Variants in UNC79 observed in about 807,000 individuals in gnomAD.
UNC79 encodes the protein protein unc-79 homolog.
Under a neutral mutation model 283.1 loss-of-function variants are expected in UNC79, and 37 were observed. The ratio of observed to expected loss-of-function variants is 0.13; its 90% CI spans 0.10 to 0.17. The LOEUF is 0.17. Among genes scored for constraint, UNC79 ranks in the 10% least tolerant of loss-of-function variants. UNC79 has a pLI of 1.00. For missense variants in UNC79, 2,272 were observed against 3,211.1 expected (o/e 0.71, Z 7.07); for synonymous variants, 1,107 against 1,200.2 (o/e 0.92, Z 1.61).
At chr14:93,451,583 C>T (rs2056644316) in intron 1 of UNC79, among the ~76,000 whole-genome samples, 1 of 152,222 alleles carries the variant, frequency 6.6e-6, no homozygotes, top group South Asian at 2.1e-4. Flanking sequence ...CGGCAATGAA[C>T]TTCAGATATT....
chr14:93,571,581 C>A (rs1434197524), intron 14 of UNC79, among the ~76,000 whole-genome samples: 2 of 152,218 alleles, frequency 1.3e-5, no homozygotes, highest in Non-Finnish European at 2.9e-5. Flanking sequence ...TAATAGTATG[C>A]TCATCCTGTT....
At chr14:93,689,005 A>AC in intron 44 of UNC79, 165 bp downstream of exon 47, 1 of 695,780 alleles carries the variant, frequency 1.4e-6, no homozygotes, top group Non-Finnish European at 2.1e-6. Context: ...GTACTTGCTG[A>AC]CCCAGAATGC....
At position 93,474,442 on chromosome 14, in the gene UNC79, T is replaced by C; in HGVS notation, c.448+49T>C. On this transcript the variant is annotated intron_variant, in intron 3 of 48. Transcript: ENST00000555664. The surrounding 1 kb of genome is among the most constrained non-coding windows in gnomAD (Gnocchi z 4.1). ...GGAAATGTACGTGGATGCTTATGAA[T>C]GTATATGATGCTGAGCAAGGGGCTT... is the stretch of plus-strand genomic sequence containing the variant. 1 of 1,505,210 alleles carries C rather than the reference T, an allele frequency of 6.6e-7. No homozygotes were observed. Among genetic ancestry groups the C allele is most frequent in the South Asian group, 1.3e-5 (1 of 78,108 alleles). 93.2% of individuals were successfully genotyped at this position (1,505,210 alleles called of 1,614,324 possible).
intron 22 of UNC79, among the ~76,000 whole-genome samples, chr14:93,593,281 C>T (rs916443232): frequency 1.3e-5 from 2 of 152,180 alleles, no homozygotes; most frequent in African/African-American, 4.8e-5. Flanking sequence ...TCTTTGACAT[C>T]ATAAGAGGCT....
At chr14:93,358,254 G>C (rs1214529739) in intron 1 of UNC79, among the ~76,000 whole-genome samples, 1 of 152,092 alleles carries the variant, frequency 6.6e-6, no homozygotes, top group Non-Finnish European at 1.5e-5. Context: ...AAGGAGTTTA[G>C]TGACTCTATA....
intron 25 of UNC79, among the ~76,000 whole-genome samples, chr14:93,601,510 G>T (rs2065505748): frequency 6.6e-6 from 1 of 152,106 alleles, no homozygotes; most frequent in East Asian, 1.9e-4. Context: ...TTGATTAATG[G>T]TCATTTAGGC....
chr14:93,691,528 A>G, intron 45 of UNC79: 1 of 588,856 alleles, frequency 1.7e-6, no homozygotes. Context: ...CCTTCTCTTA[A>G]AAAATGTGCT....
chr14:93,411,049 G>A (rs1385939887), intron 1 of UNC79, among the ~76,000 whole-genome samples: 1 of 152,090 alleles, frequency 6.6e-6, no homozygotes, highest in Non-Finnish European at 1.5e-5. Flanking sequence ...TGGCATTTTT[G>A]GGTCTACCCT....
At chr14:93,423,062 C>CAAAAAAAAA (rs71129634) in intron 1 of UNC79, among the ~76,000 whole-genome samples, 77 of 77,284 alleles carry the variant, frequency 1.0e-3, no homozygotes, top group Non-Finnish European at 1.1e-3. Flanking sequence ...GACTCTGTCT[C>CAAAAAAAAA]AAAAAAAAAA....
Position 93,414,041 on chromosome 14 carries a change from A to G in UNC79, c.-350-53630A>G, listed in dbSNP as rs199759222. 1.9e-3 allele frequency among the ~76,000 whole-genome samples: 282 copies of G among 152,100 alleles called. 1 individual carries two copies. The East Asian group carries it at 0.034, about 18-fold the overall frequency. Reference sequence around the variant, plus strand: ...AAGCTCTCTAGTTTAATTAGATCCCATTTGTCAATTTTGGCTTTTGTTGCC... The same window carrying G: ...AAGCTCTCTAGTTTAATTAGATCCCGTTTGTCAATTTTGGCTTTTGTTGCC... On this transcript the variant is annotated intron_variant, in intron 1 of 49. Transcript: ENST00000256339.
intron 1 of UNC79, among the ~76,000 whole-genome samples, chr14:93,432,313 A>T (rs114625378): frequency 0.013 from 2,053 of 152,244 alleles, 54 homozygotes; most frequent in African/African-American, 0.047. Context: ...TTACTTCTTT[A>T]TGTTTTTTTG....
At chr14:93,548,760 A>G (rs1472828417) in intron 14 of UNC79, among the ~76,000 whole-genome samples, 1 of 152,252 alleles carries the variant, frequency 6.6e-6, no homozygotes, top group Non-Finnish European at 1.5e-5. Flanking sequence ...TTCCTGTAAC[A>G]AAACCACATT....
intron 47 of UNC79, among the ~76,000 whole-genome samples, chr14:93,704,419 C>T (rs575125414): frequency 1.3e-5 from 2 of 152,278 alleles, no homozygotes; most frequent in South Asian, 2.1e-4. Context: ...ACTCATGGGG[C>T]GCTTATTAAC....
chr14:93,597,235 C>T lies in UNC79; in HGVS notation c.3191-124C>T, dbSNP rs150956457. On this transcript the variant is annotated intron_variant, in intron 23 of 48. Transcript: ENST00000555664. ...CTGTTGGGATTTAAAGTAAACCATG[C>T]GGGAGACCCAGAGTTAACTTTTTGT... The T allele has an allele frequency of 1.1e-3, 1,065 of 961,500 alleles. 1 individual carries two copies. Among genetic ancestry groups the T allele is most frequent in the Non-Finnish European group, 1.5e-3 (978 of 634,562 alleles). The allele number at this position is 961,500 out of a possible 1,614,324, so 59.6% of individuals were successfully genotyped here.
At chr14:93,543,669 C>T (rs1320942073) in intron 14 of UNC79, among the ~76,000 whole-genome samples, 1 of 152,132 alleles carries the variant, frequency 6.6e-6, no homozygotes, top group Non-Finnish European at 1.5e-5. Flanking sequence ...GTGAGCAGCC[C>T]ATATTTTTTG....
rs181701748 is a variant in UNC79 at position 93,593,851 on chromosome 14, A to G, written c.3190+14A>G. The G allele has an allele frequency of 3.0e-5, 48 of 1,610,366 alleles. No homozygotes were observed. Among genetic ancestry groups the G allele is most frequent in the Non-Finnish European group, 8.5e-7 (1 of 1,178,174 alleles). On this transcript the variant is annotated intron_variant, in intron 23 of 48. Coordinates refer to ENST00000555664, the Ensembl canonical transcript of UNC79. ...GGTTTGAAGCAGGTACCTCTGTGTT[A>G]GCTTAAAACTCATTCTGGGTCACAC... is the stretch of plus-strand genomic sequence containing the variant.
At chr14:93,412,939 G>A (rs182409451) in intron 1 of UNC79, among the ~76,000 whole-genome samples, 20 of 152,116 alleles carry the variant, frequency 1.3e-4, no homozygotes, top group Admixed American at 4.6e-4. Context: ...AAAAGAAATC[G>A]TCTTAAGGTA....
intron 1 of UNC79, among the ~76,000 whole-genome samples, chr14:93,373,078 G>C (rs1230214542): frequency 6.6e-6 from 1 of 152,172 alleles, no homozygotes; most frequent in East Asian, 1.9e-4. Context: ...ATGAGTCAAA[G>C]AGGAAATCTC....
At chr14:93,423,228 A>C (rs1176016423) in intron 1 of UNC79, among the ~76,000 whole-genome samples, 1 of 152,182 alleles carries the variant, frequency 6.6e-6, no homozygotes, top group Non-Finnish European at 1.5e-5. Flanking sequence ...TTGAAGAAGG[A>C]AATATATTCC....
Sources: allele counts gnomAD v4.1 joint callset (sites outside exome capture counted in the v4.1 genomes callset), GRCh38; gene constraint gnomAD v4.1.1; non-coding constraint Gnocchi (gnomAD v3.1); transcripts MANE v1.5; gene names NCBI Gene and HGNC (gene_info 2026-07-23, HGNC 2026-07-21).